The following CAST variants were observed in gnomAD, a reference collection of about 807,000 sequenced individuals.
The protein encoded by CAST is MIR583 host.
In CAST, 76 loss-of-function variants were observed where a neutral mutation model predicts 119.6. The observed-to-expected ratio is 0.64, with a 90% CI of 0.53 to 0.77. The LOEUF (loss-of-function observed/expected upper bound fraction) is 0.77, where lower values mean the gene tolerates loss of function less well. Ranked by LOEUF, CAST falls within the 30% of genes least tolerant of loss-of-function variation. The probability of loss-of-function intolerance (pLI) is 0.00; values close to 1 mark genes in which losing one functional copy is unlikely to be tolerated. For synonymous variants in CAST, 319 were observed against 331.6 expected (o/e 0.96, Z 0.41); for missense variants, 953 against 946.5 (o/e 1.01, Z -0.09).
At chr5:96,075,294 A>G in the CAST span, among the ~76,000 whole-genome samples, 3 of 152,176 alleles carry the variant, frequency 2.0e-5, no homozygotes, top group Admixed American at 2.0e-4. Flanking sequence ...TACCAACTCT[A>G]TAATACTTTT....
the CAST span, among the ~76,000 whole-genome samples, chr5:96,083,085 T>C: frequency 6.6e-6 from 1 of 152,328 alleles, no homozygotes; most frequent in Non-Finnish European, 1.5e-5. Context: ...TTGTAGCACT[T>C]AGTGGGAGAA....
chr5:96,376,592 C>CTGTATGCTGTATGCCTGAGAT, the CAST span, among the ~76,000 whole-genome samples: 52 of 152,202 alleles, frequency 3.4e-4, no homozygotes, highest in Middle Eastern at 0.014. Context: ...AGGCATGCAC[C>CTGTATGCTGTATGCCTGAGAT]ACTATGCCTG....
intron 2 of CAST, among the ~76,000 whole-genome samples, chr5:96,680,237 C>CCCAGCTAT (rs773652191): frequency 2.6e-4 from 40 of 151,124 alleles, no homozygotes; most frequent in Admixed American, 1.8e-3. Flanking sequence ...CGCCTATAGT[C>CCCAGCTAT]CCAGCTATTC....
chr5:96,742,706 C>A lies in CAST; in HGVS notation c.1150C>A (p.Arg384=), dbSNP rs763130113. ...LEALSASLGT[R]QAEPELDLRS... ...GGCTCTGTCGGCTTCACTGGGCACC[C>A]GGCAAGCAGAACCTGAGCTCGACCT... The change falls in exon 16 of 32, where the codon CGG becomes AGG. Residue 384 remains arginine (R), a synonymous_variant. Coordinates refer to ENST00000675179, the MANE Select transcript of CAST (RefSeq NM_001750.7). The A allele has an allele frequency of 3.7e-6, 6 of 1,614,026 alleles. 1 individual carries two copies. In the South Asian group the frequency reaches 5.5e-5, roughly 15 times the overall value.
chr5:96,515,799 C>T, the CAST span, among the ~76,000 whole-genome samples: 259 of 152,204 alleles, frequency 1.7e-3, 1 homozygote, highest in Non-Finnish European at 2.2e-3. Flanking sequence ...GTGTTCGACT[C>T]GTACACTTTC....
the CAST span, among the ~76,000 whole-genome samples, chr5:96,497,826 A>C: frequency 1.3e-5 from 2 of 152,130 alleles, no homozygotes; most frequent in African/African-American, 4.8e-5. Flanking sequence ...GTTCACTCTG[A>C]TGGTAGTTTC....
At chr5:96,725,399 G>A (rs1371701081) in intron 4 of CAST, among the ~76,000 whole-genome samples, 1 of 152,198 alleles carries the variant, frequency 6.6e-6, no homozygotes, top group African/African-American at 2.4e-5. Context: ...CACTACTGGG[G>A]AGAGAGTGCA....
At chr5:96,356,227 A>G in the CAST span, among the ~76,000 whole-genome samples, 1 of 152,092 alleles carries the variant, frequency 6.6e-6, no homozygotes, top group African/African-American at 2.4e-5. Context: ...TAGATTCTGG[A>G]TATTAGCCCT....
chr5:96,202,110 G>A, the CAST span, among the ~76,000 whole-genome samples: 1 of 152,016 alleles, frequency 6.6e-6, no homozygotes, highest in African/African-American at 2.4e-5. Context: ...GTATGTAAAT[G>A]CTGGTGCTTT....
chr5:96,285,908 T>C, the CAST span, among the ~76,000 whole-genome samples: 1 of 152,244 alleles, frequency 6.6e-6, no homozygotes, highest in African/African-American at 2.4e-5. Flanking sequence ...TTCTCAAACA[T>C]TTATGAATGT....
chr5:96,654,886 T>C (rs1018040237), intron 1 of CAST, among the ~76,000 whole-genome samples: 1 of 152,220 alleles, frequency 6.6e-6, no homozygotes, highest in African/African-American at 2.4e-5. Flanking sequence ...TTATTATTTT[T>C]ATTGTATACT....
the CAST span, chr5:96,432,972 C>A: frequency 6.2e-7 from 1 of 1,614,116 alleles, no homozygotes; most frequent in Non-Finnish European, 8.5e-7. Flanking sequence ...CGCTTTTGCA[C>A]TGTTCAGTGC....
chr5:96,739,912 G>A, intron 11 of CAST, 126 bp from the exon 12 acceptor site: 1 of 604,642 alleles, frequency 1.7e-6, no homozygotes, highest in South Asian at 2.1e-5. Context: ...GCTTCTTAAT[G>A]ATTTATCGTT....
intron 1 of CAST, among the ~76,000 whole-genome samples, chr5:96,541,026 G>T (rs1349022885): frequency 6.6e-6 from 1 of 151,836 alleles, no homozygotes; most frequent in Non-Finnish European, 1.5e-5. Context: ...GTGCTCTTTG[G>T]CAAGAAGTCG....
At chr5:96,411,024 T>C in the CAST span, 2 of 1,400,554 alleles carry the variant, frequency 1.4e-6, no homozygotes, top group South Asian at 2.3e-5. Context: ...TCTGTTATCA[T>C]CTATTGGGGT....
chr5:96,650,113 G>A (rs1748072863), intron 1 of CAST, among the ~76,000 whole-genome samples: 1 of 152,162 alleles, frequency 6.6e-6, no homozygotes, highest in African/African-American at 2.4e-5. Flanking sequence ...TCAGCCTGTG[G>A]TAGACACATA....
the CAST span, among the ~76,000 whole-genome samples, chr5:96,321,973 T>A: frequency 3.3e-3 from 497 of 152,356 alleles, 1 homozygote; most frequent in Non-Finnish European, 6.2e-3. Context: ...TGATTACCTA[T>A]CTGGATGTCT....
the CAST span, among the ~76,000 whole-genome samples, chr5:96,042,827 A>G: frequency 6.6e-6 from 1 of 152,176 alleles, no homozygotes; most frequent in Non-Finnish European, 1.5e-5. Context: ...ACCTCCCAGA[A>G]GTATAATTAA....
At chr5:96,748,453 A>T in intron 18 of CAST, 65 bp from the exon 19 acceptor site, 2 of 799,936 alleles carry the variant, frequency 2.5e-6, no homozygotes, top group Non-Finnish European at 2.0e-6. Flanking sequence ...TTGCTCCATG[A>T]AAACTTTTTT....
Sources: gnomAD v4.1 joint callset for allele counts (sites outside exome capture counted in the v4.1 genomes callset) on GRCh38, gnomAD v4.1.1 for gene constraint, MANE v1.5 for transcripts, NCBI Gene and HGNC (gene_info 2026-07-23, HGNC 2026-07-21) for gene names.